The following ARMC8 variants were observed in gnomAD, a reference collection of about 807,000 sequenced individuals.
The protein encoded by ARMC8 is armadillo repeat-containing protein 8.
In ARMC8, 20 loss-of-function variants were observed where a neutral mutation model predicts 99.3. The observed-to-expected ratio is 0.20, with a 90% CI of 0.14 to 0.29. ARMC8 has a LOEUF of 0.29. ARMC8 is among the 10% of genes least tolerant of loss of function. The pLI, the probability that ARMC8 is intolerant of heterozygous loss-of-function variation, is 1.00. For missense variants in ARMC8, 569 were observed against 809.5 expected, an observed-to-expected ratio of 0.70 and a Z score of 3.60; for synonymous variants, 263 against 278.3, an observed-to-expected ratio of 0.95 and a Z score of 0.55.
chr3:138,195,272 G>A (rs1275361344), intron 1 of ARMC8, among the ~76,000 whole-genome samples: 18 of 144,440 alleles, frequency 1.2e-4, no homozygotes, highest in African/African-American at 4.4e-4. Flanking sequence ...GCGACAGAGC[G>A]AGACTCCGTC....
intron 6 of ARMC8, among the ~76,000 whole-genome samples, chr3:138,234,309 A>G (rs887563382): frequency 6.6e-6 from 1 of 152,036 alleles, no homozygotes; most frequent in Non-Finnish European, 1.5e-5. Flanking sequence ...ACGGGATTTC[A>G]CCATGTTGAC....
intron 12 of ARMC8, among the ~76,000 whole-genome samples, chr3:138,263,272 C>G (rs548624643): frequency 6.6e-6 from 1 of 152,340 alleles, no homozygotes; most frequent in South Asian, 2.1e-4. Context: ...GGTTACTTTT[C>G]TAAAAGTTTC....
chr3:138,211,146 A>G (rs1206046548), intron 2 of ARMC8, among the ~76,000 whole-genome samples: 2 of 152,196 alleles, frequency 1.3e-5, no homozygotes, highest in African/African-American at 2.4e-5. Flanking sequence ...GGTTGTACCT[A>G]CACACACAAG....
intron 1 of ARMC8, chr3:138,188,611 G>A (rs1285109620): frequency 6.4e-7 from 1 of 1,563,508 alleles, no homozygotes; most frequent in African/African-American, 1.4e-5. Context: ...ACTTGTGGAA[G>A]CCAGTCTGAT....
intron 19 of ARMC8, among the ~76,000 whole-genome samples, chr3:138,287,243 G>A (rs1012018025): frequency 5.3e-5 from 8 of 152,134 alleles, no homozygotes; most frequent in African/African-American, 1.9e-4. Flanking sequence ...CCTACAAGTT[G>A]GCACAATTTG....
chr3:138,288,952 A>G (rs932351888), intron 19 of ARMC8, 96 bp from the exon 20 acceptor site: 4 of 967,952 alleles, frequency 4.1e-6, no homozygotes, highest in Non-Finnish European at 4.7e-6. Flanking sequence ...TCAGACTTTT[A>G]GGTTATAGGA....
At chr3:138,285,138 C>T (rs1357306916) in intron 19 of ARMC8, among the ~76,000 whole-genome samples, 2 of 152,198 alleles carry the variant, frequency 1.3e-5, no homozygotes, top group African/African-American at 2.4e-5. Flanking sequence ...CACAGAACCC[C>T]ACATGGGCAC....
intron 18 of ARMC8, among the ~76,000 whole-genome samples, chr3:138,275,505 T>G (rs3773763): frequency 0.62 from 94,238 of 151,746 alleles, 30,409 homozygotes; most frequent in East Asian, 0.86. Flanking sequence ...CTTGCAGTGA[T>G]CCAAGATAGC....
rs551000627 is a variant in ARMC8 at position 138,290,688 on chromosome 3, T to C, written c.1988+49T>C. On this transcript the variant is annotated intron_variant, in intron 21 of 21. Coordinates refer to ENST00000469044, the MANE Select transcript of ARMC8 (RefSeq NM_001363941.2). ...TTGCTTTGGGCTGTGTTGGATTCTT[T>C]CGTGAAAGGGTTTGAATTGCTTGGT... 5.1e-5 allele frequency: 65 copies of C among 1,283,066 alleles called. No individual in the cohort carries two copies. In the South Asian group the frequency reaches 5.4e-4, roughly 11 times the overall value. 79.5% of individuals were successfully genotyped at this position (1,283,066 alleles called of 1,614,324 possible). A position where few individuals can be genotyped will look rare whatever the true frequency, so the allele number is the denominator to read the frequency against.
chr3:138,203,371 G>A lies in ARMC8; in HGVS notation c.46-6446G>A, dbSNP rs116733563. 7.2e-3 allele frequency among the ~76,000 whole-genome samples: 1,099 copies of A among 152,288 alleles called. 13 individuals are homozygous for A. The highest frequency in any genetic ancestry group is 0.025 in the African/African-American group (1,028 of 41,548). ...TAGTAATACAAATGTGGCCTAGTTG[G>A]TGCCTCTGGCCCAAGATCTCTTATG... is the stretch of plus-strand genomic sequence containing the variant. On this transcript the variant is annotated intron_variant, in intron 1 of 21. Coordinates refer to ENST00000469044, the MANE Select transcript of ARMC8 (RefSeq NM_001363941.2).
chr3:138,282,414 AGGGCGGGT>A (rs1439002570), intron 18 of ARMC8, among the ~76,000 whole-genome samples: 1 of 152,138 alleles, frequency 6.6e-6, no homozygotes, highest in Non-Finnish European at 1.5e-5. Flanking sequence ...TTGGGAGGCC[AGGGCGGGT>A]GGATCATGAG....
intron 21 of ARMC8, among the ~76,000 whole-genome samples, chr3:138,292,627 A>G (rs1207977831): frequency 6.6e-6 from 1 of 152,172 alleles, no homozygotes; most frequent in Non-Finnish European, 1.5e-5. Flanking sequence ...CCATATACCA[A>G]GATGGTGAGG....
At chr3:138,205,772 C>T (rs572408315) in intron 1 of ARMC8, among the ~76,000 whole-genome samples, 9 of 152,268 alleles carry the variant, frequency 5.9e-5, no homozygotes, top group Admixed American at 5.9e-4. Flanking sequence ...GACCTTGTCT[C>T]TACTAAAAAT....
intron 1 of ARMC8, among the ~76,000 whole-genome samples, chr3:138,195,118 A>G (rs577652640): frequency 2.0e-5 from 3 of 152,126 alleles, no homozygotes; most frequent in African/African-American, 4.8e-5. Context: ...CTACTAAAAA[A>G]TACAAAAAAA....
chr3:138,286,237 C>T (rs554386521), intron 19 of ARMC8, among the ~76,000 whole-genome samples: 1 of 152,292 alleles, frequency 6.6e-6, no homozygotes, highest in Admixed American at 6.5e-5. Flanking sequence ...GCCACTGCGC[C>T]CAACCTTCAA....
At chr3:138,223,884 G>A in intron 5 of ARMC8, 151 bp downstream of exon 5, 1 of 665,460 alleles carries the variant, frequency 1.5e-6, no homozygotes, top group Non-Finnish European at 2.6e-6. Flanking sequence ...AGTGCTTTGG[G>A]AGGCTGAGGT....
rs1228585385 is a variant in ARMC8, at chr3:138,252,603, G to A, written c.1134+7420G>A. Among the ~76,000 whole-genome samples the A allele has an allele frequency of 7.9e-5, 12 of 151,802 alleles. No homozygotes were observed. The South Asian group carries it at 8.4e-4, about 11-fold the overall frequency. On this transcript the variant is annotated intron_variant, in intron 12 of 21. Coordinates refer to ENST00000469044, the MANE Select transcript of ARMC8 (RefSeq NM_001363941.2). ...CAAGTAGCTGAGATTACAGGCGCCCGCCACCACGCCTGGCTAATTTTTTGT... is the reference window on the plus strand; with the variant it reads ...CAAGTAGCTGAGATTACAGGCGCCCACCACCACGCCTGGCTAATTTTTTGT...
At chr3:138,205,352 A>G (rs967221746) in intron 1 of ARMC8, among the ~76,000 whole-genome samples, 3 of 151,768 alleles carry the variant, frequency 2.0e-5, no homozygotes, top group Admixed American at 2.0e-4. Flanking sequence ...CCCGGCGGCA[A>G]TTCAGTCTTT....
chr3:138,286,963 A>G (rs2050490172), intron 19 of ARMC8, among the ~76,000 whole-genome samples: 1 of 152,112 alleles, frequency 6.6e-6, no homozygotes, highest in African/African-American at 2.4e-5. Flanking sequence ...ATTTATCAAC[A>G]AGTCCTATCT....
Sources: allele counts gnomAD v4.1 joint callset (sites outside exome capture counted in the v4.1 genomes callset), GRCh38; gene constraint gnomAD v4.1.1; transcripts MANE v1.5; gene names NCBI Gene and HGNC (gene_info 2026-07-23, HGNC 2026-07-21).